The following TRHDE variants were observed in gnomAD, a reference collection of about 807,000 sequenced individuals.
TRHDE encodes thyrotropin-releasing hormone-degrading ectoenzyme.
TRHDE carries 72 observed loss-of-function variants against 125.7 expected under a neutral mutation model. That is an observed-to-expected ratio of 0.57 (90% CI 0.47 to 0.70). TRHDE has a LOEUF of 0.70. Ranked by LOEUF, TRHDE falls within the 30% of genes least tolerant of loss-of-function variation. The probability of loss-of-function intolerance (pLI) is 0.00; values close to 1 mark genes in which losing one functional copy is unlikely to be tolerated. For synonymous variants in TRHDE, 509 were observed against 509.1 expected (o/e 1.00, Z 0.00); for missense variants, 1,110 against 1,327.1 (o/e 0.84, Z 2.54).
chr12:72,666,150 C>T lies in TRHDE; in HGVS notation c.*2955C>T, dbSNP rs1875106248. ...GCATTGCTTTCTCAAAGAACTGTTA[C>T]ACATTTTGTTTTATTTGACTCATCA... On this transcript the variant is annotated 3_prime_UTR_variant, in exon 19 of 19. Coordinates refer to ENST00000261180, the MANE Select transcript of TRHDE (RefSeq NM_013381.3). The T allele has an allele frequency of 6.6e-6, 1 of 152,062 alleles. No individual in the cohort carries two copies. The highest frequency in any genetic ancestry group is 2.1e-4 in the South Asian group (1 of 4,832). The allele number at this position is 152,062 out of a possible 1,614,324, so 9.4% of individuals were successfully genotyped here.
chr12:72,367,837 A>G (rs1251598891), intron 2 of TRHDE, among the ~76,000 whole-genome samples: 3 of 152,196 alleles, frequency 2.0e-5, no homozygotes, highest in Non-Finnish European at 4.4e-5. Context: ...GGTATTTTAA[A>G]GCTGTGAAAT....
At chr12:72,225,739 A>G (rs1878116267) in intron 2 of TRHDE, among the ~76,000 whole-genome samples, 1 of 152,142 alleles carries the variant, frequency 6.6e-6, no homozygotes, top group Non-Finnish European at 1.5e-5. Context: ...GAAAATGAAT[A>G]TTTCTTTTGT....
intron 12 of TRHDE, among the ~76,000 whole-genome samples, chr12:72,598,640 A>G (rs1380536574): frequency 2.0e-5 from 3 of 152,184 alleles, no homozygotes; most frequent in Non-Finnish European, 4.4e-5. Context: ...GTCATTGTGA[A>G]GAATTCCTGG....
At chr12:72,492,947 T>C (rs577260937) in intron 5 of TRHDE, among the ~76,000 whole-genome samples, 28 of 152,066 alleles carry the variant, frequency 1.8e-4, no homozygotes, top group African/African-American at 6.3e-4. Context: ...TTAATAATAC[T>C]GCACCCATCA....
chr12:72,152,037 G>A (rs960648433), intron 2 of TRHDE, among the ~76,000 whole-genome samples: 1 of 151,792 alleles, frequency 6.6e-6, no homozygotes, highest in African/African-American at 2.4e-5. Flanking sequence ...AGCATGGAAT[G>A]TTCTTCCATT....
intron 12 of TRHDE, among the ~76,000 whole-genome samples, chr12:72,609,026 G>A (rs893334767): frequency 1.3e-5 from 2 of 152,146 alleles, no homozygotes; most frequent in Non-Finnish European, 2.9e-5. Flanking sequence ...CATAGTGTAT[G>A]CAAAGCATTA....
chr12:72,246,837 T>C (rs1248990596), intron 2 of TRHDE, among the ~76,000 whole-genome samples: 1 of 152,242 alleles, frequency 6.6e-6, no homozygotes, highest in Non-Finnish European at 1.5e-5. Context: ...GATTTGTTTT[T>C]CTTATTCCAA....
At chr12:72,504,593 CT>C (rs1878286801) in intron 6 of TRHDE, among the ~76,000 whole-genome samples, 2 of 152,172 alleles carry the variant, frequency 1.3e-5, no homozygotes, top group Admixed American at 6.5e-5. Context: ...TGAGCCACTG[CT>C]CCCAGACAGA....
At chr12:72,358,981 CCAGGTTCACA>C (rs1870944356) in intron 2 of TRHDE, among the ~76,000 whole-genome samples, 1 of 151,446 alleles carries the variant, frequency 6.6e-6, no homozygotes, top group Non-Finnish European at 1.5e-5. Context: ...AAAAGGGCCA[CCAGGTTCACA>C]CAGTTTTATA....
chr12:72,126,550 C>T (rs970518206), intron 2 of TRHDE, among the ~76,000 whole-genome samples: 1 of 152,148 alleles, frequency 6.6e-6, no homozygotes. Context: ...AATAAAGCTA[C>T]ACACCTACAG....
At chr12:72,192,098 G>C in intron 2 of TRHDE, among the ~76,000 whole-genome samples, 1 of 151,890 alleles carries the variant, frequency 6.6e-6, no homozygotes, top group Admixed American at 6.6e-5. Flanking sequence ...TAAGTTTATA[G>C]TGACTACTTA....
chr12:72,511,509 TA>T (rs1258864321), intron 6 of TRHDE, among the ~76,000 whole-genome samples: 1 of 152,198 alleles, frequency 6.6e-6, no homozygotes, highest in Non-Finnish European at 1.5e-5. Flanking sequence ...CTTTTGAAGC[TA>T]AATCAACATT....
chr12:72,544,187 T>C (rs906381734), intron 7 of TRHDE, among the ~76,000 whole-genome samples: 4 of 151,472 alleles, frequency 2.6e-5, no homozygotes, highest in Non-Finnish European at 4.4e-5. Context: ...GCAGTTTGGA[T>C]TAGTTTACAG....
intron 2 of TRHDE, among the ~76,000 whole-genome samples, chr12:72,211,345 A>G (rs1184751792): frequency 3.3e-5 from 5 of 152,242 alleles, no homozygotes; most frequent in Admixed American, 1.3e-4. Context: ...GGAAAAATAT[A>G]TACTGTGCAA....
intron 2 of TRHDE, among the ~76,000 whole-genome samples, chr12:72,161,655 C>T (rs551910872): frequency 6.6e-6 from 1 of 152,098 alleles, no homozygotes; most frequent in African/African-American, 2.4e-5. Flanking sequence ...AACTTTTGTA[C>T]TGGAAGATAA....
At chr12:72,393,140 G>A (rs1295782738) in intron 3 of TRHDE, among the ~76,000 whole-genome samples, 4 of 152,006 alleles carry the variant, frequency 2.6e-5, no homozygotes, top group African/African-American at 7.2e-5. Flanking sequence ...ATTCTCACCC[G>A]AAGTGAATAA....
intron 3 of TRHDE, among the ~76,000 whole-genome samples, chr12:72,432,916 C>T (rs368352383): frequency 3.0e-4 from 46 of 152,212 alleles, no homozygotes; most frequent in East Asian, 2.3e-3. Context: ...AGCATTTCGT[C>T]TCTTACCATT....
chr12:72,366,229 G>T (rs1450712959), intron 2 of TRHDE, among the ~76,000 whole-genome samples: 1 of 152,020 alleles, frequency 6.6e-6, no homozygotes, highest in Non-Finnish European at 1.5e-5. Context: ...ATCTTTGGGG[G>T]CCATCACTCA....
chr12:72,386,876 T>A (rs994506791), intron 3 of TRHDE, among the ~76,000 whole-genome samples: 1 of 152,168 alleles, frequency 6.6e-6, no homozygotes, highest in Non-Finnish European at 1.5e-5. Context: ...CAACACTTTT[T>A]TTCTGTTTTG....
Sources: gnomAD v4.1 joint callset for allele counts (sites outside exome capture counted in the v4.1 genomes callset) on GRCh38, gnomAD v4.1.1 for gene constraint, MANE v1.5 for transcripts, NCBI Gene and HGNC (gene_info 2026-07-23, HGNC 2026-07-21) for gene names.